MGAT4A: variants seen among roughly 807,000 people sequenced by gnomAD.
MGAT4A encodes N-acetylglucosaminyltransferase IVa.
A neutral mutation model predicts 74.1 loss-of-function variants in MGAT4A; 33 were observed. The observed-to-expected ratio is 0.45, with a 90% CI of 0.34 to 0.60. MGAT4A has a LOEUF of 0.60. Ranked by LOEUF, MGAT4A falls within the 20% of genes least tolerant of loss-of-function variation. The probability of loss-of-function intolerance (pLI) is 0.02; values close to 1 mark genes in which losing one functional copy is unlikely to be tolerated. For missense variants in MGAT4A, 479 were observed against 628.3 expected (o/e 0.76, Z 2.54); for synonymous variants, 198 against 210.4 (o/e 0.94, Z 0.51).
At chr2:98,661,740 C>T (rs1701752661) in intron 5 of MGAT4A, among the ~76,000 whole-genome samples, 1 of 152,126 alleles carries the variant, frequency 6.6e-6, no homozygotes. Flanking sequence ...TAGTTAAAAA[C>T]ATGTTCATAA....
intron 14 of MGAT4A, among the ~76,000 whole-genome samples, chr2:98,633,530 G>A (rs1483704704): frequency 6.6e-6 from 1 of 152,176 alleles, no homozygotes; most frequent in Non-Finnish European, 1.5e-5. Context: ...GAGGGTCAAG[G>A]AAGCTCCTCA....
At position 98,726,223 on chromosome 2, in the gene MGAT4A, G is replaced by T. The variant is rs558020708; in HGVS notation, c.94+16C>A. 3.7e-6 allele frequency: 6 copies of T among 1,603,792 alleles called. No homozygotes were observed. The highest frequency in any genetic ancestry group is 3.3e-5 in the South Asian group (3 of 90,700). On this transcript the variant is annotated intron_variant, in intron 2 of 15. Transcript: ENST00000393487. ...CTAGTACATTTCATGCACATTTTCC[G>T]AGTCATTTTCCTTACCTTTCCCATT...
At chr2:98,687,803 TTTCCAA>T (rs1163743230) in intron 2 of MGAT4A, among the ~76,000 whole-genome samples, 2 of 152,128 alleles carry the variant, frequency 1.3e-5, no homozygotes, top group Non-Finnish European at 2.9e-5. Context: ...GCTGACACCA[TTTCCAA>T]CACCGGCTAG....
At chr2:98,687,449 G>C (rs1037605937) in intron 2 of MGAT4A, among the ~76,000 whole-genome samples, 1 of 152,034 alleles carries the variant, frequency 6.6e-6, no homozygotes, top group African/African-American at 2.4e-5. Flanking sequence ...TCCTCTTACT[G>C]CATGTCCCTA....
chr2:98,635,419 T>C, intron 13 of MGAT4A, 131 bp from the exon 14 acceptor site: 1 of 619,554 alleles, frequency 1.6e-6, no homozygotes. Context: ...ATCATCTCAG[T>C]CTTGAACTTT....
At chr2:98,664,200 C>CAAAAAAAAAAAAAAAAAAAAAAAAAAAAA (rs57981145) in intron 4 of MGAT4A, among the ~76,000 whole-genome samples, 1 of 51,444 alleles carries the variant, frequency 1.9e-5, no homozygotes, top group Non-Finnish European at 3.6e-5. Context: ...GATTCCATCT[C>CAAAAAAAAAAAAAAAAAAAAAAAAAAAAA]AAAAAAAAAA....
At position 98,625,179 on chromosome 2, in the gene MGAT4A, T is replaced by A; in HGVS notation, c.*387A>T. ...TATATATATAATCCCTGATAATCTATAAAAGAGGGTCTATAATAGTAAAAT... is the reference window on the plus strand; with the variant it reads ...TATATATATAATCCCTGATAATCTAAAAAAGAGGGTCTATAATAGTAAAAT... On this transcript the variant is annotated 3_prime_UTR_variant, in exon 16 of 16. Transcript: ENST00000393487. 1 of 817,470 alleles carries A rather than the reference T, an allele frequency of 1.2e-6. No homozygotes were observed. The highest frequency in any genetic ancestry group is 5.6e-5 in the South Asian group (1 of 17,716). The allele number at this position is 817,470 out of a possible 1,614,324, so 50.6% of individuals were successfully genotyped here. A position where few individuals can be genotyped will look rare whatever the true frequency, so the allele number is the denominator to read the frequency against.
chr2:98,730,056 C>T (rs1405997439), intron 1 of MGAT4A: 1 of 152,156 alleles, frequency 6.6e-6, no homozygotes, highest in Non-Finnish European at 1.5e-5. Flanking sequence ...GAAAAAGAAA[C>T]ATAAACCACA....
chr2:98,683,172 C>T (rs1423391456), intron 2 of MGAT4A, among the ~76,000 whole-genome samples: 2 of 151,970 alleles, frequency 1.3e-5, no homozygotes, highest in Non-Finnish European at 2.9e-5. Flanking sequence ...GCTGAGGAAA[C>T]GACCAGGAGT....
intron 2 of MGAT4A, among the ~76,000 whole-genome samples, chr2:98,697,162 C>T (rs1295089562): frequency 6.6e-6 from 1 of 152,124 alleles, no homozygotes; most frequent in Non-Finnish European, 1.5e-5. Context: ...AGAAGATGAT[C>T]CCATTAAATG....
intron 8 of MGAT4A, among the ~76,000 whole-genome samples, chr2:98,646,610 G>C (rs1701488888): frequency 6.6e-6 from 1 of 152,122 alleles, no homozygotes; most frequent in Non-Finnish European, 1.5e-5. Context: ...GGAAGGCTAA[G>C]GCAGGAGGAT....
chr2:98,706,550 G>C (rs1209735262), intron 2 of MGAT4A, among the ~76,000 whole-genome samples: 1 of 150,794 alleles, frequency 6.6e-6, no homozygotes, highest in Non-Finnish European at 1.5e-5. Context: ...GGATGGTCTC[G>C]ATCTCCTGAC....
chr2:98,711,185 C>T (rs1343258380), intron 2 of MGAT4A, among the ~76,000 whole-genome samples: 1 of 150,022 alleles, frequency 6.7e-6, no homozygotes, highest in African/African-American at 2.5e-5. Context: ...ATAGGGGAAA[C>T]ACCAGCCTGG....
chr2:98,645,587 G>A, intron 8 of MGAT4A, 45 bp from the exon 9 acceptor site: 1 of 1,327,304 alleles, frequency 7.5e-7, no homozygotes, highest in Non-Finnish European at 1.0e-6. Context: ...AAAAAAGAAA[G>A]GTATTGAGAG....
At chr2:98,728,250 T>A (rs892036472) in intron 1 of MGAT4A, among the ~76,000 whole-genome samples, 1 of 152,200 alleles carries the variant, frequency 6.6e-6, no homozygotes, top group Admixed American at 6.5e-5. Flanking sequence ...TCCACCAAAC[T>A]ATGCCTGTTA....
chr2:98,674,296 A>G (rs1041162143), intron 4 of MGAT4A, among the ~76,000 whole-genome samples: 4 of 152,222 alleles, frequency 2.6e-5, no homozygotes, highest in African/African-American at 9.6e-5. Context: ...AGAAGAACAA[A>G]ATAATATTCT....
intron 14 of MGAT4A, among the ~76,000 whole-genome samples, chr2:98,633,904 T>A (rs1288539049): frequency 6.6e-6 from 1 of 152,212 alleles, no homozygotes; most frequent in Non-Finnish European, 1.5e-5. Flanking sequence ...AATATAAAAA[T>A]CATTCATCCA....
chr2:98,643,141 C>T (rs1437000212), intron 10 of MGAT4A, among the ~76,000 whole-genome samples: 1 of 151,724 alleles, frequency 6.6e-6, no homozygotes, highest in Non-Finnish European at 1.5e-5. Flanking sequence ...TTCAGAGACA[C>T]AATTCAAATT....
At chr2:98,691,135 C>A (rs1168286098) in intron 2 of MGAT4A, among the ~76,000 whole-genome samples, 1 of 152,022 alleles carries the variant, frequency 6.6e-6, no homozygotes, top group Non-Finnish European at 1.5e-5. Context: ...CAGTCCTGCC[C>A]CATATATGTC....
Sources: gnomAD v4.1 joint callset for allele counts (sites outside exome capture counted in the v4.1 genomes callset) on GRCh38, gnomAD v4.1.1 for gene constraint, MANE v1.5 for transcripts, NCBI Gene and HGNC (gene_info 2026-07-23, HGNC 2026-07-21) for gene names.